DRAXIN: variants seen among roughly 807,000 people sequenced by gnomAD.
DRAXIN encodes the protein dorsal inhibitory axon guidance protein, also known as dorsal repulsive axon guidance protein.
Under a neutral mutation model 33.9 loss-of-function variants are expected in DRAXIN, and 27 were observed. That is an observed-to-expected ratio of 0.80 (90% CI 0.59 to 1.10). The LOEUF (loss-of-function observed/expected upper bound fraction) is 1.10, where lower values mean the gene tolerates loss of function less well. Ranked by LOEUF, DRAXIN falls within the 50% of genes least tolerant of loss-of-function variation. The pLI is 0.00. For missense variants in DRAXIN, 371 were observed against 460.8 expected (o/e 0.81, Z 1.78); for synonymous variants, 178 against 194.0 (o/e 0.92, Z 0.69).
chr1:11,712,030 G>A (rs1641502370), intron 4 of DRAXIN, 65 bp downstream of exon 4: 1 of 1,518,896 alleles, frequency 6.6e-7, no homozygotes. Flanking sequence ...CATCTGTTGA[G>A]GTGGGGGCCC....
intron 6 of DRAXIN, among the ~76,000 whole-genome samples, 180 bp downstream of exon 6, chr1:11,715,388 C>G (rs1641561974): frequency 6.6e-6 from 1 of 152,242 alleles, no homozygotes; most frequent in Non-Finnish European, 1.5e-5. Flanking sequence ...TGAGCAAGAA[C>G]AGCTTTATCA....
intron 1 of DRAXIN, among the ~76,000 whole-genome samples, chr1:11,702,027 T>C (rs1395077195): frequency 1.3e-5 from 2 of 152,054 alleles, no homozygotes; most frequent in Non-Finnish European, 2.9e-5. Context: ...TTGCACACAG[T>C]CCACACCCAT....
At chr1:11,689,807 A>G (rs945895215), upstream of DRAXIN, among the ~76,000 whole-genome samples, 45 of 152,166 alleles carry the variant, frequency 3.0e-4, 1 homozygote, top group Admixed American at 1.1e-3. Context: ...GAGATCCAAG[A>G]ACCCTCTCCT....
upstream of DRAXIN, among the ~76,000 whole-genome samples, chr1:11,691,055 C>CT (rs1228338711): frequency 6.6e-6 from 1 of 152,192 alleles, no homozygotes; most frequent in East Asian, 1.9e-4. Flanking sequence ...TTTGAAGACC[C>CT]TTTGTACCCC....
At chr1:11,711,294 C>T (rs999894116) in intron 3 of DRAXIN, among the ~76,000 whole-genome samples, 4 of 152,198 alleles carry the variant, frequency 2.6e-5, no homozygotes, top group South Asian at 2.1e-4. Context: ...CTAGAAGGTG[C>T]GGTTCCTGCC....
intron 2 of DRAXIN, among the ~76,000 whole-genome samples, chr1:11,707,845 C>T (rs1189755387): frequency 6.6e-6 from 1 of 152,228 alleles, no homozygotes; most frequent in African/African-American, 2.4e-5. Context: ...AGTCAGGTGG[C>T]TCCTCCCAGC....
intron 5 of DRAXIN, among the ~76,000 whole-genome samples, chr1:11,713,515 G>A (rs924584686): frequency 3.3e-5 from 5 of 152,188 alleles, no homozygotes; most frequent in Non-Finnish European, 5.9e-5. Flanking sequence ...ACAAGAAGCC[G>A]GACGTTGTAA....
At position 11,711,833 on chromosome 1, in the gene DRAXIN, C is replaced by T. The variant is rs1343138270; in HGVS notation, c.643-18C>T. ...TGGATTTGAAGGTTCCAACATCCCC[C>T]TTCTCCACGGTCTCCAGCAGGCACA... is the stretch of plus-strand genomic sequence containing the variant. On this transcript the variant is annotated intron_variant, in intron 3 of 6. Transcript: ENST00000294485. The T allele has an allele frequency of 6.2e-7, 1 of 1,603,026 alleles. No homozygotes were observed. The highest frequency in any genetic ancestry group is 8.5e-7 in the Non-Finnish European group (1 of 1,173,412).
chr1:11,691,902 C>G (rs1641076600), intron 1 of DRAXIN, 49 bp downstream of exon 1: 2 of 151,930 alleles, frequency 1.3e-5, no homozygotes, highest in Non-Finnish European at 2.9e-5. Flanking sequence ...CCCGCCCCAC[C>G]TGGCTGCGAG....
chr1:11,719,761 T>C lies in DRAXIN; in HGVS notation c.*65T>C, dbSNP rs1048778314. ...ACAAGCCGGGCGATTTGTTTGTAAC[T>C]AGCAGTGGGAGATCAAGTTGGGGAA... is the stretch of plus-strand genomic sequence containing the variant. On this transcript the variant is annotated 3_prime_UTR_variant, in exon 7 of 7. Coordinates refer to ENST00000294485, the MANE Select transcript of DRAXIN (RefSeq NM_198545.4). 2.2e-6 allele frequency: 3 copies of C among 1,380,330 alleles called. No homozygotes were observed. The highest frequency in any genetic ancestry group is 2.0e-6 in the Non-Finnish European group (2 of 981,980). The allele number at this position is 1,380,330 out of a possible 1,614,324, so 85.5% of individuals were successfully genotyped here. A position where few individuals can be genotyped will look rare whatever the true frequency, so the allele number is the denominator to read the frequency against.
intron 2 of DRAXIN, among the ~76,000 whole-genome samples, chr1:11,707,820 T>G (rs145105426): frequency 6.6e-6 from 1 of 152,298 alleles, no homozygotes; most frequent in African/African-American, 2.4e-5. Flanking sequence ...GGAGTAGACA[T>G]GTCCCCTCAG....
At position 11,706,149 on chromosome 1, in the gene DRAXIN, C is replaced by T. The variant is rs991968269; in HGVS notation, c.-10-100C>T. 1.1e-5 allele frequency: 13 copies of T among 1,155,632 alleles called. No individual in the cohort carries two copies. In the South Asian group the frequency reaches 2.1e-4, roughly 18 times the overall value. 71.6% of individuals were successfully genotyped at this position (1,155,632 alleles called of 1,614,324 possible). Reference sequence around the variant, plus strand: ...CAAATGTCACTGGGAGCAAAATGTCCCTCTATGGCTGTTGAGAAAAACTGG... The same window carrying T: ...CAAATGTCACTGGGAGCAAAATGTCTCTCTATGGCTGTTGAGAAAAACTGG... On this transcript the variant is annotated intron_variant, in intron 1 of 6. Transcript: ENST00000294485. The surrounding 1 kb of genome is among the most constrained non-coding windows in gnomAD (Gnocchi z 5.5).
chr1:11,701,426 G>A (rs1240407438), intron 1 of DRAXIN, among the ~76,000 whole-genome samples: 1 of 152,236 alleles, frequency 6.6e-6, no homozygotes, highest in Non-Finnish European at 1.5e-5. Flanking sequence ...CAGCGCAGTT[G>A]AGAGGAAAAA....
chr1:11,714,246 G>A (rs1243579174), intron 5 of DRAXIN, among the ~76,000 whole-genome samples: 2 of 152,092 alleles, frequency 1.3e-5, no homozygotes, highest in East Asian at 1.9e-4. Flanking sequence ...ATTTTGGGGT[G>A]GGCTAGGGGT....
chr1:11,687,716 T>A (rs2100720548), upstream of DRAXIN, among the ~76,000 whole-genome samples: 1 of 152,364 alleles, frequency 6.6e-6, no homozygotes, highest in South Asian at 2.1e-4. This position sits in a 1 kb window ranked among gnomAD's most constrained non-coding sequence, Gnocchi z 4.1. Context: ...AAAGTAATTG[T>A]ACAAAATATG....
chr1:11,694,342 G>A lies in DRAXIN; in HGVS notation c.-11+2489G>A, dbSNP rs1641156267. 6.6e-6 allele frequency among the ~76,000 whole-genome samples: 1 copy of A among 152,102 alleles called. No homozygotes were observed. Among genetic ancestry groups the A allele is most frequent in the Non-Finnish European group, 1.5e-5 (1 of 68,024 alleles). On this transcript the variant is annotated intron_variant, in intron 1 of 6. Transcript: ENST00000294485. The surrounding 1 kb of genome is among the most constrained non-coding windows in gnomAD (Gnocchi z 4.9). ...GGGTCCTGCTGGTGGGGCCAGGGCGGAGCTGGCCCTCTGGCTGGGGAGGTT... is the reference window on the plus strand; with the variant it reads ...GGGTCCTGCTGGTGGGGCCAGGGCGAAGCTGGCCCTCTGGCTGGGGAGGTT...
At chr1:11,715,064 C>G in intron 5 of DRAXIN, 55 bp from the exon 6 acceptor site, 1 of 1,593,180 alleles carries the variant, frequency 6.3e-7, no homozygotes, top group Non-Finnish European at 8.6e-7. Flanking sequence ...GAGTGCAGGG[C>G]TGCGGGGAGG....
intron 1 of DRAXIN, among the ~76,000 whole-genome samples, chr1:11,702,633 T>C (rs746282279): frequency 6.8e-6 from 1 of 146,716 alleles, no homozygotes; most frequent in Non-Finnish European, 1.5e-5. Context: ...CACACACACA[T>C]GCTCACACAT....
At position 11,706,576 on chromosome 1, in the gene DRAXIN, G is replaced by A. The variant is rs765422147; in HGVS notation, c.318G>A (p.Leu106=). 1.2e-5 allele frequency: 20 copies of A among 1,609,064 alleles called. No homozygotes were observed. The highest frequency in any genetic ancestry group is 1.7e-5 in the Admixed American group (1 of 59,792). The part of the protein sequence containing the change: ...LLPEQSPAGL[L]QDKDLLLGLA... ...CTGAGCAGAGTCCTGCAGGCCTGCT[G>A]CAGGACAAGGACCTGCTCCTGGGAC... is the stretch of plus-strand genomic sequence containing the variant. The change falls in exon 2 of 7, where the codon CTG becomes CTA. Residue 106 remains leucine (L), a synonymous_variant. Coordinates refer to ENST00000294485, the MANE Select transcript of DRAXIN (RefSeq NM_198545.4). This position sits in a 1 kb window ranked among gnomAD's most constrained non-coding sequence, Gnocchi z 5.5.
Sources: allele counts gnomAD v4.1 joint callset (sites outside exome capture counted in the v4.1 genomes callset), GRCh38; gene constraint gnomAD v4.1.1; non-coding constraint Gnocchi (gnomAD v3.1); transcripts MANE v1.5; gene names NCBI Gene and HGNC (gene_info 2026-07-23, HGNC 2026-07-21).